APOBEC3F: variants seen among roughly 807,000 people sequenced by gnomAD.
The protein encoded by APOBEC3F is apolipoprotein B mRNA editing enzyme catalytic subunit 3F.
APOBEC3F carries 34 observed loss-of-function variants against 45.8 expected under a neutral mutation model. The ratio of observed to expected loss-of-function variants is 0.74; its 90% CI spans 0.57 to 0.99. The LOEUF (loss-of-function observed/expected upper bound fraction) is 0.99. Ranked by LOEUF, APOBEC3F falls within the 50% of genes least tolerant of loss-of-function variation. The pLI is 0.00. For synonymous variants in APOBEC3F, 192 were observed against 174.4 expected, an observed-to-expected ratio of 1.10 and a Z score of -0.80; for missense variants, 459 against 474.1, an observed-to-expected ratio of 0.97 and a Z score of 0.30.
intron 4 of APOBEC3F, among the ~76,000 whole-genome samples, chr22:39,045,890 C>T (rs921393764): frequency 2.1e-5 from 3 of 146,282 alleles, no homozygotes; most frequent in African/African-American, 4.9e-5. Context: ...TTCACAAGGC[C>T]GACAGCCAGA....
At chr22:39,051,445 G>A (rs892008293) in intron 5 of APOBEC3F, among the ~76,000 whole-genome samples, 3 of 151,728 alleles carry the variant, frequency 2.0e-5, no homozygotes, top group African/African-American at 4.8e-5. Flanking sequence ...GCTGAGGCAG[G>A]AGAATGGCGT....
rs557362013 is a variant in APOBEC3F, at chr22:39,044,230, C to G, written c.172-711C>G. 72 of 1,599,208 alleles carry G rather than the reference C, an allele frequency of 4.5e-5. 1 individual carries two copies. The South Asian group carries it at 8.0e-4, about 18-fold the overall frequency. The stretch of plus-strand genomic sequence containing the variant: ...AGGCAGACCCTAGAGGGCCAGGCCA[C>G]AGCAGGGGCTGAGGATGCCTGGTGA... On this transcript the variant is annotated intron_variant, in intron 2 of 6. Coordinates refer to ENST00000308521, the MANE Select transcript of APOBEC3F (RefSeq NM_145298.6).
At chr22:39,052,446 G>A (rs1270746082) in intron 6 of APOBEC3F, 93 bp downstream of exon 6, 9 of 1,578,716 alleles carry the variant, frequency 5.7e-6, no homozygotes, top group African/African-American at 1.3e-5. Flanking sequence ...GCAGTGTCCC[G>A]GGAAGCCTGC....
Position 39,049,534 on chromosome 22 carries a change from A to G in APOBEC3F, c.676A>G (p.Lys226Glu), listed in dbSNP as rs372759662. 1.1e-5 allele frequency: 17 copies of G among 1,614,030 alleles called. No homozygotes were observed. The highest frequency in any genetic ancestry group is 1.4e-5 in the Non-Finnish European group (17 of 1,180,004). Residue 226 changes from lysine (K) to glutamate (E), a missense_variant, in exon 5 of 7, where the codon AAG (lysine) becomes GAG (glutamate). Physicochemically the swap from Lys to Glu is moderately conservative, Grantham distance 56. Transcript: ENST00000308521. ...GCTGTGCTTCACCATGGAAGTTGTA[A>G]AGCACCACTCACCTGTCTCCTGGAA... ...SWLCFTMEVV[K>E]HHSPVSWKRG...
At chr22:39,048,191 G>C (rs945423838) in intron 4 of APOBEC3F, among the ~76,000 whole-genome samples, 2 of 152,186 alleles carry the variant, frequency 1.3e-5, no homozygotes, top group African/African-American at 4.8e-5. Flanking sequence ...CCTCCTGCAG[G>C]GCCTGTGATG....
intron 4 of APOBEC3F, among the ~76,000 whole-genome samples, chr22:39,047,428 G>A (rs565599198): frequency 1.3e-5 from 2 of 152,262 alleles, no homozygotes; most frequent in East Asian, 3.9e-4. Flanking sequence ...GGCCCTGGAA[G>A]ATAAAATAGA....
chr22:39,042,257 G>A (rs1926943683), intron 1 of APOBEC3F, among the ~76,000 whole-genome samples: 1 of 152,102 alleles, frequency 6.6e-6, no homozygotes, highest in East Asian at 1.9e-4. Context: ...AGAAGGAACT[G>A]GCTGAAAGGT....
chr22:39,046,691 C>A (rs1299503654), intron 4 of APOBEC3F, among the ~76,000 whole-genome samples: 1 of 151,628 alleles, frequency 6.6e-6, no homozygotes, highest in Non-Finnish European at 1.5e-5. Context: ...GATCTCGGCT[C>A]ACTGCAATCT....
intron 2 of APOBEC3F, chr22:39,044,221 G>T (rs747317370): frequency 6.2e-7 from 1 of 1,604,546 alleles, no homozygotes; most frequent in Non-Finnish European, 8.5e-7. Context: ...ACCCTAGAGG[G>T]CCAGGCCACA....
intron 4 of APOBEC3F, among the ~76,000 whole-genome samples, chr22:39,049,168 T>C (rs963917059): frequency 6.6e-6 from 1 of 152,050 alleles, no homozygotes; most frequent in African/African-American, 2.4e-5. Context: ...TCCTAATGGG[T>C]TGGGAGACGT....
intron 4 of APOBEC3F, among the ~76,000 whole-genome samples, chr22:39,047,033 C>T (rs1927258070): frequency 6.6e-6 from 1 of 152,086 alleles, no homozygotes; most frequent in South Asian, 2.1e-4. Flanking sequence ...CCGGGGACAC[C>T]AGCCTCCACC....
rs757554332 is a variant in APOBEC3F, at chr22:39,040,935, T to G, written c.-26T>G. The stretch of plus-strand genomic sequence containing the variant: ...GAAACCCTGGTGCTCCAGACAAAGA[T>G]CTTAGTCGGGACTAGCCGGCCAAGG... On this transcript the variant is annotated 5_prime_UTR_variant, in exon 1 of 7. Coordinates refer to ENST00000308521, the MANE Select transcript of APOBEC3F (RefSeq NM_145298.6). 54 of 1,568,126 alleles carry G rather than the reference T, an allele frequency of 3.4e-5. No individual in the cohort carries two copies. Among genetic ancestry groups the G allele is most frequent in the Non-Finnish European group, 4.2e-5 (49 of 1,155,956 alleles).
intron 2 of APOBEC3F, chr22:39,044,324 A>C (rs1927090941): frequency 7.1e-7 from 1 of 1,418,398 alleles, no homozygotes; most frequent in Non-Finnish European, 9.2e-7. Context: ...GAAAACTTCC[A>C]AACGAAGGGA....
At chr22:39,047,412 A>C (rs994841843) in intron 4 of APOBEC3F, among the ~76,000 whole-genome samples, 1 of 152,100 alleles carries the variant, frequency 6.6e-6, no homozygotes, top group African/African-American at 2.4e-5. Context: ...TGTCTCCTGG[A>C]ACAAGGGCCC....
chr22:39,049,294 C>A, intron 4 of APOBEC3F, 131 bp from the exon 5 acceptor site: 1 of 1,150,862 alleles, frequency 8.7e-7, no homozygotes, highest in Non-Finnish European at 1.2e-6. Context: ...TCCTCTTTCT[C>A]TCTCCCAGTC....
chr22:39,044,888 A>T (rs911301644), intron 2 of APOBEC3F, 53 bp from the exon 3 acceptor site: 26 of 1,531,308 alleles, frequency 1.7e-5, no homozygotes, highest in Non-Finnish European at 2.3e-5. Context: ...CCACCCCTGC[A>T]CTCCTCCTGC....
intron 2 of APOBEC3F, among the ~76,000 whole-genome samples, chr22:39,043,302 T>G (rs1251301843): frequency 4.8e-4 from 71 of 149,448 alleles, no homozygotes; most frequent in Non-Finnish European, 8.3e-4. Flanking sequence ...CCTTGTGTTT[T>G]TTTTTTTTTT....
At chr22:39,044,858 T>C (rs1927121252) in intron 2 of APOBEC3F, 83 bp from the exon 3 acceptor site, 16 of 1,300,864 alleles carry the variant, frequency 1.2e-5, no homozygotes, top group Non-Finnish European at 1.7e-5. Flanking sequence ...GCTCCTGTCC[T>C]GGCCCCTCCT....
Position 39,052,797 on chromosome 22 carries a change from C to T in APOBEC3F, c.*102C>T, listed in dbSNP as rs1172453805. On this transcript the variant is annotated 3_prime_UTR_variant, in exon 7 of 7. Coordinates refer to ENST00000308521, the MANE Select transcript of APOBEC3F (RefSeq NM_145298.6). ...CCAGCTGTGCTTTTGCCTGGTCATC[C>T]TGAGCCCCTCCTGGCCTCAGGGCCA... 2.6e-6 allele frequency: 4 copies of T among 1,517,358 alleles called. No individual in the cohort carries two copies. Among genetic ancestry groups the T allele is most frequent in the Non-Finnish European group, 2.6e-6 (3 of 1,138,458 alleles). The allele number at this position is 1,517,358 out of a possible 1,614,324, so 94.0% of individuals were successfully genotyped here. A position where few individuals can be genotyped will look rare whatever the true frequency, so the allele number is the denominator to read the frequency against.
Sources: gnomAD v4.1 joint callset for allele counts (sites outside exome capture counted in the v4.1 genomes callset) on GRCh38, gnomAD v4.1.1 for gene constraint, MANE v1.5 for transcripts, NCBI Gene and HGNC (gene_info 2026-07-23, HGNC 2026-07-21) for gene names.